Variants in ZNF224 observed in about 807,000 individuals in gnomAD.
ZNF224 encodes the protein bone marrow zinc finger 2.
ZNF224 carries 8 observed loss-of-function variants against 10.5 expected under a neutral mutation model. That is an observed-to-expected ratio of 0.76 (90% confidence interval 0.45 to 1.37). The LOEUF is 1.37. Among genes scored for constraint, ZNF224 ranks in the 40% most tolerant of loss-of-function variants. ZNF224 has a pLI of 0.00. For missense variants in ZNF224, 754 were observed against 854.0 expected, an observed-to-expected ratio of 0.88 and a Z score of 1.46; for synonymous variants, 282 against 287.8, an observed-to-expected ratio of 0.98 and a Z score of 0.20.
Position 44,109,749 on chromosome 19 carries a change from C to T in ZNF224, c.*1465C>T, listed in dbSNP as rs1967792137. 6.6e-6 allele frequency: 1 copy of T among 152,148 alleles called. No individual in the cohort carries two copies. Among genetic ancestry groups the T allele is most frequent in the African/African-American group, 2.4e-5 (1 of 41,424 alleles). 9.4% of individuals were successfully genotyped at this position (152,148 alleles called of 1,614,324 possible). A position where few individuals can be genotyped will look rare whatever the true frequency, so the allele number is the denominator to read the frequency against. ...ACTCAATGAGATGATGACATAGACACAATAACAAAAGGAGAAAAACAATGT... is the reference window on the plus strand; with the variant it reads ...ACTCAATGAGATGATGACATAGACATAATAACAAAAGGAGAAAAACAATGT... On this transcript the variant is annotated 3_prime_UTR_variant, in exon 6 of 6. Coordinates refer to ENST00000693561, the MANE Select transcript of ZNF224 (RefSeq NM_001321645.3).
In ZNF224 at chr19:44,108,715, C is replaced by T. The variant is rs1967760129; in HGVS notation, c.*431C>T. 1 of 518,178 alleles carries T rather than the reference C, an allele frequency of 1.9e-6. No individual in the cohort carries two copies. Among genetic ancestry groups the T allele is most frequent in the Non-Finnish European group, 3.8e-6 (1 of 260,194 alleles). The allele number at this position is 518,178 out of a possible 1,614,324, so 32.1% of individuals were successfully genotyped here. On this transcript the variant is annotated 3_prime_UTR_variant, in exon 6 of 6. Coordinates refer to ENST00000693561, the MANE Select transcript of ZNF224 (RefSeq NM_001321645.3). ...ATGTGTCTTTGCTGCTAAGTCGTCACAGCCTTAACATTGATTAGCACTTTG... is the reference window on the plus strand; with the variant it reads ...ATGTGTCTTTGCTGCTAAGTCGTCATAGCCTTAACATTGATTAGCACTTTG...
chr19:44,104,994 C>T (rs4803678), intron 5 of ZNF224, among the ~76,000 whole-genome samples: 129,025 of 152,202 alleles, frequency 0.85, 54,968 homozygotes, highest in Non-Finnish European at 0.88. Flanking sequence ...TTTTGAGGCT[C>T]CATTACATAG....
chr19:44,108,611 TAGAA>T lies in ZNF224; in HGVS notation c.*331_*334del. On this transcript the variant is annotated 3_prime_UTR_variant, in exon 6 of 6. Coordinates refer to ENST00000693561, the MANE Select transcript of ZNF224 (RefSeq NM_001321645.3). ...CAGCTATCATTCAGGAGACAGGCCTTAGAAAGAGTAAGAGTTCATGAATTTACCA... is the reference window on the plus strand; with the variant it reads ...CAGCTATCATTCAGGAGACAGGCCTTAGAGTAAGAGTTCATGAATTTACCA... The T allele has an allele frequency of 4.2e-6, 2 of 480,472 alleles. No individual in the cohort carries two copies. The highest frequency in any genetic ancestry group is 8.4e-6 in the Non-Finnish European group (2 of 238,392). The allele number at this position is 480,472 out of a possible 1,614,324, so 29.8% of individuals were successfully genotyped here.
chr19:44,106,144 C>T (rs1967652873), intron 5 of ZNF224: 2 of 498,164 alleles, frequency 4.0e-6, no homozygotes, highest in Non-Finnish European at 7.1e-6. Context: ...AGTGTATAAG[C>T]GTTTCTTCTC....
intron 3 of ZNF224, among the ~76,000 whole-genome samples, chr19:44,099,902 T>C (rs1325110517): frequency 6.6e-6 from 1 of 152,180 alleles, no homozygotes; most frequent in Non-Finnish European, 1.5e-5. Context: ...TTACTTTAAA[T>C]AGGAGAGTAA....
intron 3 of ZNF224, among the ~76,000 whole-genome samples, chr19:44,098,733 G>A (rs540120483): frequency 1.1e-4 from 16 of 152,124 alleles, no homozygotes; most frequent in Middle Eastern, 3.4e-3. Context: ...ACAGGCATGC[G>A]TCACCATGCC....
intron 1 of ZNF224, chr19:44,094,956 A>T (rs1013720999): frequency 6.5e-6 from 1 of 154,094 alleles, no homozygotes; most frequent in African/African-American, 2.4e-5. Flanking sequence ...TCCCTGCAGG[A>T]CGCTGGATGA....
At chr19:44,106,304 A>C in intron 5 of ZNF224, 92 bp from the exon 6 acceptor site, 1 of 1,365,152 alleles carries the variant, frequency 7.3e-7, no homozygotes, top group African/African-American at 1.4e-5. Context: ...GTCTATACTC[A>C]TGAGAGTTTC....
Position 44,109,379 on chromosome 19 carries a change from A to G in ZNF224, c.*1095A>G, listed in dbSNP as rs1190750518. The G allele has an allele frequency of 6.6e-6, 1 of 152,022 alleles. No homozygotes were observed. The highest frequency in any genetic ancestry group is 2.4e-5 in the African/African-American group (1 of 41,388). The allele number at this position is 152,022 out of a possible 1,614,324, so 9.4% of individuals were successfully genotyped here. Reference sequence around the variant, plus strand: ...TAAATTTGAATGACAGCTTTTGTCAACCTTCTTATCCAATATTCTTCCACC... The same window carrying G: ...TAAATTTGAATGACAGCTTTTGTCAGCCTTCTTATCCAATATTCTTCCACC... On this transcript the variant is annotated 3_prime_UTR_variant, in exon 6 of 6. Transcript: ENST00000693561.
At position 44,107,916 on chromosome 19, in the gene ZNF224, C is replaced by T. The variant is rs199525071; in HGVS notation, c.1756C>T (p.His586Tyr). Residue 586 changes from histidine (H) to tyrosine (Y), a missense_variant, in exon 6 of 6, where the codon CAT becomes TAT. Physicochemically the swap from His to Tyr is moderately conservative, Grantham distance 83. Coordinates refer to ENST00000693561, the MANE Select transcript of ZNF224 (RefSeq NM_001321645.3). ...RFTQNSQLHS[H>Y]QRVHTGEKPY... ...TACTCAGAATTCACAGCTTCATTCT[C>T]ATCAAAGAGTGCACACTGGAGAAAA... 10 of 1,614,136 alleles carry T rather than the reference C, an allele frequency of 6.2e-6. No homozygotes were observed. The African/African-American group carries it at 6.7e-5, about 11-fold the overall frequency.
intron 5 of ZNF224, among the ~76,000 whole-genome samples, chr19:44,101,694 A>C (rs1197313466): frequency 6.6e-6 from 1 of 152,168 alleles, no homozygotes; most frequent in African/African-American, 2.4e-5. Flanking sequence ...TGAGAGACAA[A>C]CATTTATTAT....
At chr19:44,106,199 A>G (rs969777945) in intron 5 of ZNF224, 197 bp from the exon 6 acceptor site, 4 of 604,346 alleles carry the variant, frequency 6.6e-6, no homozygotes, top group South Asian at 4.2e-5. Flanking sequence ...TTTTATTTCT[A>G]TCAAGTATTT....
At position 44,108,872 on chromosome 19, in the gene ZNF224, G is replaced by A. The variant is rs1967765775; in HGVS notation, c.*588G>A. The stretch of plus-strand genomic sequence containing the variant: ...TGGGAAACATGAGTTGAAATGCAGA[G>A]TAAACTCAGTACTGCAATCCATAGC... On this transcript the variant is annotated 3_prime_UTR_variant, in exon 6 of 6. Transcript: ENST00000693561. The A allele has an allele frequency of 2.8e-6, 1 of 354,420 alleles. No homozygotes were observed. The highest frequency in any genetic ancestry group is 6.0e-6 in the Non-Finnish European group (1 of 166,536). 22.0% of individuals were successfully genotyped at this position (354,420 alleles called of 1,614,324 possible).
intron 1 of ZNF224, chr19:44,095,564 A>G (rs1201297243): frequency 6.6e-6 from 1 of 152,232 alleles, no homozygotes; most frequent in East Asian, 1.9e-4. Flanking sequence ...TGTTTCAATC[A>G]TTACAAATAT....
At position 44,106,234 on chromosome 19, in the gene ZNF224, G is replaced by A. The variant is rs191690854; in HGVS notation, c.236-162G>A. 977 of 680,894 alleles carry A rather than the reference G, an allele frequency of 1.4e-3. 1 individual carries two copies. Among genetic ancestry groups the A allele is most frequent in the Non-Finnish European group, 1.8e-3 (749 of 406,044 alleles). The allele number at this position is 680,894 out of a possible 1,614,324, so 42.2% of individuals were successfully genotyped here. ...TTACATATGATACTTGGTTTAGTTCGAAATTGGCCTCATCCAAACCAAAGA... is the reference window on the plus strand; with the variant it reads ...TTACATATGATACTTGGTTTAGTTCAAAATTGGCCTCATCCAAACCAAAGA... On this transcript the variant is annotated intron_variant, in intron 5 of 5. Transcript: ENST00000693561.
rs1262068305 is a variant in ZNF224, at chr19:44,107,444, C to A, written c.1284C>A (p.Tyr428Ter). The A allele has an allele frequency of 6.2e-7, 1 of 1,608,218 alleles. No individual in the cohort carries two copies. Among genetic ancestry groups the A allele is most frequent in the East Asian group, 2.2e-5 (1 of 44,858 alleles). Residue 428 changes from tyrosine (Y) to a stop codon, truncating the protein, a stop_gained, in exon 6 of 6, where the codon TAC becomes TAA. Coordinates refer to ENST00000693561, the MANE Select transcript of ZNF224 (RefSeq NM_001321645.3). LOFTEE classifies it low-confidence loss of function (END_TRUNC). ...HQRSHSGEKP[Y>*]KCVECGKGYK... ...GATCCCATAGTGGAGAAAAACCATA[C>A]AAATGTGTGGAGTGTGGGAAGGGCT...
chr19:44,096,171 T>C (rs930022638), intron 1 of ZNF224, 172 bp from the exon 2 acceptor site: 10 of 152,310 alleles, frequency 6.6e-5, no homozygotes, highest in African/African-American at 2.4e-4. Flanking sequence ...AATCTCATTA[T>C]TGTTATTATT....
At position 44,106,749 on chromosome 19, in the gene ZNF224, G is replaced by A. The variant is rs760594450; in HGVS notation, c.589G>A (p.Val197Ile). 1 of 1,612,328 alleles carries A rather than the reference G, an allele frequency of 6.2e-7. No homozygotes were observed. Among genetic ancestry groups the A allele is most frequent in the South Asian group, 1.1e-5 (1 of 90,900 alleles). ...CTCAGCCCTTCGTATTCATCAGAGA[G>A]TCCACATGGGAGAGAAATGCTATAA... is the stretch of plus-strand genomic sequence containing the variant. ...YISALRIHQRVHMGEKCYKCD... is the reference protein window; with the variant it reads ...YISALRIHQRIHMGEKCYKCD... The change falls in exon 6 of 6, where the codon GTC (valine) becomes ATC (isoleucine). Residue 197 changes from valine (V) to isoleucine (I), a missense_variant. Physicochemically the swap from Val to Ile is conservative, Grantham distance 29. Transcript: ENST00000693561.
Position 44,109,063 on chromosome 19 carries a change from C to T in ZNF224, c.*779C>T, listed in dbSNP as rs533660910. Reference sequence around the variant, plus strand: ...CTATGAAATGTCCATTGCTTGTATACGGTATAAATTTAATTATCTTTTGTA... The same window carrying T: ...CTATGAAATGTCCATTGCTTGTATATGGTATAAATTTAATTATCTTTTGTA... On this transcript the variant is annotated 3_prime_UTR_variant, in exon 6 of 6. Coordinates refer to ENST00000693561, the MANE Select transcript of ZNF224 (RefSeq NM_001321645.3). 1.5e-4 allele frequency: 26 copies of T among 172,124 alleles called. No individual in the cohort carries two copies. Among genetic ancestry groups the T allele is most frequent in the African/African-American group, 4.3e-4 (18 of 41,836 alleles). 10.7% of individuals were successfully genotyped at this position (172,124 alleles called of 1,614,324 possible).
Sources: gnomAD v4.1 joint callset for allele counts (sites outside exome capture counted in the v4.1 genomes callset) on GRCh38, gnomAD v4.1.1 for gene constraint, MANE v1.5 for transcripts, NCBI Gene and HGNC (gene_info 2026-07-23, HGNC 2026-07-21) for gene names.